The following MPP7 variants were observed in gnomAD, a reference collection of about 807,000 sequenced individuals.
MPP7 encodes MAGUK p55 scaffold protein 7, also known as MAGUK p55 subfamily member 7.
MPP7 carries 60 observed loss-of-function variants against 76.5 expected under a neutral mutation model. The observed-to-expected ratio is 0.78, with a 90% CI of 0.64 to 0.97. The LOEUF (loss-of-function observed/expected upper bound fraction) is 0.97, where lower values mean the gene tolerates loss of function less well. MPP7 is among the 50% of genes least tolerant of loss of function. The pLI is 0.00. For synonymous variants in MPP7, 237 were observed against 244.5 expected (o/e 0.97, Z 0.29); for missense variants, 641 against 694.0 (o/e 0.92, Z 0.86).
At chr10:28,290,618 G>A (rs914621904) in intron 1 of MPP7, among the ~76,000 whole-genome samples, 1 of 151,976 alleles carries the variant, frequency 6.6e-6, no homozygotes, top group Non-Finnish European at 1.5e-5. Context: ...GATTACAGGC[G>A]CATGCCACCA....
At chr10:28,059,584 TA>T (rs1564610258) in intron 14 of MPP7, 65 bp downstream of exon 14, 1 of 963,186 alleles carries the variant, frequency 1.0e-6, no homozygotes. Context: ...CTCAGTTGTC[TA>T]AAACGGGACA....
At chr10:28,076,539 G>A (rs954037108) in intron 12 of MPP7, among the ~76,000 whole-genome samples, 53 of 147,320 alleles carry the variant, frequency 3.6e-4, no homozygotes, top group African/African-American at 1.0e-3. Context: ...ACACACATGC[G>A]CGCACACACA....
At chr10:28,315,527 G>A (rs1483265898) in intron 2 of MPP7, among the ~76,000 whole-genome samples, 1 of 152,110 alleles carries the variant, frequency 6.6e-6, no homozygotes, top group African/African-American at 2.4e-5. Flanking sequence ...TTCCCTCCTG[G>A]CCACTGCAGA....
chr10:28,229,547 A>T (rs1258804385), intron 2 of MPP7, among the ~76,000 whole-genome samples: 1 of 152,172 alleles, frequency 6.6e-6, no homozygotes, highest in Non-Finnish European at 1.5e-5. Flanking sequence ...AGGTAAACAA[A>T]GAAAATGGTA....
intron 3 of MPP7, among the ~76,000 whole-genome samples, chr10:28,190,123 A>C (rs1054976698): frequency 6.6e-6 from 1 of 152,246 alleles, no homozygotes; most frequent in Non-Finnish European, 1.5e-5. Flanking sequence ...CCAAGAAGAC[A>C]TAACAATCCT....
intron 11 of MPP7, among the ~76,000 whole-genome samples, chr10:28,103,053 G>C (rs936308679): frequency 1.3e-5 from 2 of 152,158 alleles, no homozygotes; most frequent in Non-Finnish European, 2.9e-5. Flanking sequence ...GGTCACTCTG[G>C]TCTCTTGACC....
intron 6 of MPP7, among the ~76,000 whole-genome samples, chr10:28,127,781 G>A (rs1211819622): frequency 2.0e-5 from 3 of 152,182 alleles, no homozygotes; most frequent in Non-Finnish European, 4.4e-5. Flanking sequence ...GGGGGTGTGA[G>A]GGGATGTAGG....
chr10:28,120,390 T>A lies in MPP7; in HGVS notation c.691A>T (p.Met231Leu), dbSNP rs1466440047. 6.2e-7 allele frequency: 1 copy of A among 1,605,814 alleles called. No individual in the cohort carries two copies. The highest frequency in any genetic ancestry group is 1.1e-5 in the South Asian group (1 of 89,136). Residue 231 changes from methionine to leucine, a missense_variant and splice_region_variant, in exon 10 of 17, where the codon ATG becomes TTG. By Grantham distance (15) the Met-to-Leu change is conservative. Coordinates refer to ENST00000683449, the MANE Select transcript of MPP7 (RefSeq NM_001318170.2). ...TAGTCAAAGAGGGCTTTGATAAACATCTGGAAGAAAAGTTTCATTAAAGAT... is the reference window on the plus strand; with the variant it reads ...TAGTCAAAGAGGGCTTTGATAAACAACTGGAAGAAAAGTTTCATTAAAGAT... Reference protein sequence around the residue: ...KEETPSKEGKMFIKALFDYNP... With the variant: ...KEETPSKEGKLFIKALFDYNP...
chr10:28,114,682 A>T (rs1834606817), intron 11 of MPP7, among the ~76,000 whole-genome samples: 2 of 152,134 alleles, frequency 1.3e-5, no homozygotes, highest in South Asian at 4.1e-4. Flanking sequence ...CCCACCCCCT[A>T]CCGCAATCCG....
chr10:28,218,105 A>G (rs1032868011), intron 2 of MPP7, among the ~76,000 whole-genome samples: 5 of 152,224 alleles, frequency 3.3e-5, no homozygotes, highest in Non-Finnish European at 7.3e-5. Flanking sequence ...TGATGAGTAG[A>G]TAACAGTTGA....
intron 15 of MPP7, chr10:28,057,876 CT>C: frequency 8.2e-7 from 1 of 1,213,922 alleles, no homozygotes; most frequent in Non-Finnish European, 1.0e-6. Flanking sequence ...ATGCTGTGGG[CT>C]GGGGATCTGC....
intron 3 of MPP7, among the ~76,000 whole-genome samples, chr10:28,155,821 G>A (rs1836043347): frequency 6.6e-6 from 1 of 152,036 alleles, no homozygotes; most frequent in Admixed American, 6.5e-5. Flanking sequence ...CAGTGCAGAT[G>A]ACTTTGGGGT....
At chr10:28,244,575 T>C (rs1361330279) in intron 1 of MPP7, among the ~76,000 whole-genome samples, 1 of 152,250 alleles carries the variant, frequency 6.6e-6, no homozygotes. Context: ...CAATGATTAA[T>C]ATAAAACCAA....
chr10:28,057,942 A>T, intron 15 of MPP7: 1 of 1,081,552 alleles, frequency 9.2e-7, no homozygotes, highest in Non-Finnish European at 1.2e-6. Context: ...TGAAGTTCTC[A>T]GTTCAGAATG....
At chr10:28,179,170 C>A (rs1836976608) in intron 3 of MPP7, among the ~76,000 whole-genome samples, 2 of 152,150 alleles carry the variant, frequency 1.3e-5, no homozygotes, top group Admixed American at 1.3e-4. Flanking sequence ...GAAATTTCTC[C>A]TCCAACACAC....
intron 2 of MPP7, among the ~76,000 whole-genome samples, chr10:28,212,670 C>T (rs1302106415): frequency 2.0e-5 from 3 of 152,186 alleles, no homozygotes; most frequent in Non-Finnish European, 2.9e-5. Flanking sequence ...CAAAGTTAGG[C>T]GATGCAGAAG....
At chr10:28,281,630 C>A (rs1475070512) in intron 1 of MPP7, among the ~76,000 whole-genome samples, 1 of 152,060 alleles carries the variant, frequency 6.6e-6, no homozygotes, top group Non-Finnish European at 1.5e-5. Flanking sequence ...TTAATAATAG[C>A]AATTAGCATT....
At chr10:28,192,714 G>A (rs1447541034) in intron 3 of MPP7, among the ~76,000 whole-genome samples, 1 of 152,164 alleles carries the variant, frequency 6.6e-6, no homozygotes, top group Non-Finnish European at 1.5e-5. Flanking sequence ...TGGAGCCATA[G>A]AATACACAGT....
chr10:28,251,598 A>G (rs1214284975), intron 1 of MPP7, among the ~76,000 whole-genome samples: 3 of 152,264 alleles, frequency 2.0e-5, no homozygotes, highest in Admixed American at 2.0e-4. Flanking sequence ...AATCTACTGT[A>G]AAATATAACA....
Sources: allele counts gnomAD v4.1 joint callset (sites outside exome capture counted in the v4.1 genomes callset), GRCh38; gene constraint gnomAD v4.1.1; transcripts MANE v1.5; gene names NCBI Gene and HGNC (gene_info 2026-07-23, HGNC 2026-07-21).